PLBD1: variants seen among roughly 807,000 people sequenced by gnomAD.
PLBD1 encodes the protein phospholipase B domain containing 1.
A neutral mutation model predicts 63.0 loss-of-function variants in PLBD1; 60 were observed. The observed-to-expected ratio is 0.95, with a 90% CI of 0.77 to 1.18. The LOEUF is 1.18. Ranked by LOEUF, PLBD1 falls within the 50% of genes most tolerant of loss-of-function variation. The pLI is 0.00. For synonymous variants in PLBD1, 262 were observed against 248.0 expected, an observed-to-expected ratio of 1.06 and a Z score of -0.53; for missense variants, 598 against 677.9, an observed-to-expected ratio of 0.88 and a Z score of 1.31.
intron 4 of PLBD1, among the ~76,000 whole-genome samples, chr12:14,540,507 G>A (rs1293181409): frequency 2.6e-5 from 4 of 152,036 alleles, no homozygotes; most frequent in Admixed American, 2.6e-4. Flanking sequence ...TTCATACTAT[G>A]CTTTTTAACC....
chr12:14,556,654 C>G (rs948026245), intron 1 of PLBD1, among the ~76,000 whole-genome samples: 3 of 151,736 alleles, frequency 2.0e-5, no homozygotes, highest in Admixed American at 6.6e-5. Context: ...CAGGCATGAG[C>G]CACCGTGCCT....
rs566316188 is a variant in PLBD1, at chr12:14,546,869, G to T, written c.336-4578C>A. Among the ~76,000 whole-genome samples the T allele has an allele frequency of 3.3e-5, 5 of 151,926 alleles. No homozygotes were observed. The East Asian group carries it at 9.7e-4, about 29-fold the overall frequency. On this transcript the variant is annotated intron_variant, in intron 2 of 10. Transcript: ENST00000240617. ...CCAGAATTATTAAAATTTTTCTTCT[G>T]GTTTCTTTTTTTTCTTTTTTCTTTT... is the stretch of plus-strand genomic sequence containing the variant.
intron 1 of PLBD1, among the ~76,000 whole-genome samples, chr12:14,564,357 C>T (rs1945764899): frequency 6.6e-6 from 1 of 152,146 alleles, no homozygotes; most frequent in Non-Finnish European, 1.5e-5. Context: ...CTGTTATTCT[C>T]AAGTGGACAC....
chr12:14,511,240 T>C lies in PLBD1; in HGVS notation c.1186+20A>G, dbSNP rs183359266. On this transcript the variant is annotated intron_variant, in intron 8 of 10. Coordinates refer to ENST00000240617, the MANE Select transcript of PLBD1 (RefSeq NM_024829.6). ...ACACATACTCATCAGGTTTTAAGAC[T>C]TACGACATGAAGAAAGTACCTTTCC... 6.2e-4 allele frequency: 920 copies of C among 1,484,186 alleles called. 16 individuals are homozygous for C. In the South Asian group the frequency reaches 9.5e-3, roughly 15 times the overall value. The allele number at this position is 1,484,186 out of a possible 1,614,324, so 91.9% of individuals were successfully genotyped here.
At chr12:14,531,288 T>TAGCAA (rs762056127) in intron 6 of PLBD1, 1 of 152,196 alleles carries the variant, frequency 6.6e-6, no homozygotes, top group Non-Finnish European at 1.5e-5. Flanking sequence ...GAGAAAAAGG[T>TAGCAA]AGCAATACTG....
At chr12:14,550,503 T>C (rs923888526) in intron 2 of PLBD1, among the ~76,000 whole-genome samples, 2 of 152,250 alleles carry the variant, frequency 1.3e-5, no homozygotes, top group Non-Finnish European at 2.9e-5. Flanking sequence ...AGAAAACAGT[T>C]CCTGAATAGT....
chr12:14,512,563 A>C (rs1015979341), intron 6 of PLBD1, among the ~76,000 whole-genome samples: 1 of 152,228 alleles, frequency 6.6e-6, no homozygotes, highest in Non-Finnish European at 1.5e-5. Flanking sequence ...GTTGGAGGCA[A>C]CACAGGAAAA....
intron 2 of PLBD1, among the ~76,000 whole-genome samples, chr12:14,551,686 G>C (rs1469732088): frequency 1.2e-5 from 1 of 82,492 alleles, no homozygotes; most frequent in Non-Finnish European, 2.7e-5. Context: ...TCAGAGATTA[G>C]AGCTGCTTTC....
At position 14,511,591 on chromosome 12, in the gene PLBD1, G is replaced by A. The variant is rs781737064; in HGVS notation, c.965C>T (p.Ser322Phe). The change falls in exon 7 of 11, where the codon TCC becomes TTC. Residue 322 changes from serine to phenylalanine, a missense_variant. By Grantham distance (155) the Ser-to-Phe change is radical. Transcript: ENST00000240617. ...LKQVIPETLL[S>F]WQRVRVANMM... is the part of the protein sequence containing the mutation. ...ATTGGCCACACGGACTCTTTGCCAGGACAGGAGAGTCTCGGGTATTACCTG... is the reference window on the plus strand; with the variant it reads ...ATTGGCCACACGGACTCTTTGCCAGAACAGGAGAGTCTCGGGTATTACCTG... The A allele has an allele frequency of 1.9e-6, 3 of 1,614,186 alleles. No homozygotes were observed. The South Asian group carries it at 3.3e-5, about 18-fold the overall frequency.
chr12:14,531,873 G>A (rs1381748025), intron 6 of PLBD1, among the ~76,000 whole-genome samples: 4 of 152,010 alleles, frequency 2.6e-5, no homozygotes, highest in East Asian at 1.9e-4. Context: ...AAGATAATCC[G>A]CCCACCCTGG....
chr12:14,527,194 T>C (rs1255712452), intron 6 of PLBD1, among the ~76,000 whole-genome samples: 3 of 152,234 alleles, frequency 2.0e-5, no homozygotes, highest in Admixed American at 6.5e-5. Flanking sequence ...CACATTTATA[T>C]TGCAGATATT....
Position 14,511,626 on chromosome 12 carries a change from G to C in PLBD1, c.930C>G (p.Thr310=). ...LQTTNSVFNK[T]LLKQVIPETL... Reference sequence around the variant, plus strand: ...TCTCGGGTATTACCTGCTTTAGCAGGGTTTTATTAAACACACTGTTTGTGG... The same window carrying C: ...TCTCGGGTATTACCTGCTTTAGCAGCGTTTTATTAAACACACTGTTTGTGG... Residue 310 remains threonine (T), a synonymous_variant, in exon 7 of 11, where the codon ACC becomes ACG. Coordinates refer to ENST00000240617, the MANE Select transcript of PLBD1 (RefSeq NM_024829.6). The C allele has an allele frequency of 6.2e-7, 1 of 1,614,050 alleles. No homozygotes were observed. Among genetic ancestry groups the C allele is most frequent in the Non-Finnish European group, 8.5e-7 (1 of 1,180,008 alleles).
At chr12:14,552,435 A>G (rs748691160) in intron 2 of PLBD1, among the ~76,000 whole-genome samples, 26 of 152,228 alleles carry the variant, frequency 1.7e-4, no homozygotes, top group Non-Finnish European at 2.8e-4. Context: ...CAATTTAAAA[A>G]TCTCTGCCCA....
chr12:14,528,851 A>G (rs1171676687), intron 6 of PLBD1, among the ~76,000 whole-genome samples: 1 of 152,218 alleles, frequency 6.6e-6, no homozygotes, highest in Non-Finnish European at 1.5e-5. Flanking sequence ...CATATCAATA[A>G]AAACAATAAC....
intron 1 of PLBD1, among the ~76,000 whole-genome samples, chr12:14,557,020 C>T (rs1945711874): frequency 7.1e-6 from 1 of 140,988 alleles, no homozygotes; most frequent in South Asian, 2.3e-4. Flanking sequence ...GACTGTCTGT[C>T]ACGCTTTTCA....
chr12:14,540,121 T>TATATATAC (rs1249075944), intron 4 of PLBD1, among the ~76,000 whole-genome samples: 4 of 134,798 alleles, frequency 3.0e-5, no homozygotes, highest in African/African-American at 1.1e-4. Context: ...TATATATATA[T>TATATATAC]ATATATATAT....
intron 6 of PLBD1, among the ~76,000 whole-genome samples, chr12:14,515,270 G>A (rs1945329039): frequency 6.6e-6 from 1 of 152,128 alleles, no homozygotes; most frequent in Non-Finnish European, 1.5e-5. Flanking sequence ...AAACTAAGGT[G>A]GGATTTCTGG....
intron 6 of PLBD1, among the ~76,000 whole-genome samples, chr12:14,529,190 G>T (rs1386736340): frequency 2.0e-5 from 3 of 151,816 alleles, no homozygotes; most frequent in Admixed American, 6.6e-5. Flanking sequence ...GTGAGACCCT[G>T]TCTTTAAAAA....
intron 6 of PLBD1, among the ~76,000 whole-genome samples, chr12:14,535,167 A>T (rs963698500): frequency 6.6e-6 from 1 of 152,216 alleles, no homozygotes; most frequent in Non-Finnish European, 1.5e-5. Flanking sequence ...TGTCCTCTTG[A>T]GTATAGTGTA....
Sources: allele counts gnomAD v4.1 joint callset (sites outside exome capture counted in the v4.1 genomes callset), GRCh38; gene constraint gnomAD v4.1.1; transcripts MANE v1.5; gene names NCBI Gene and HGNC (gene_info 2026-07-23, HGNC 2026-07-21).